The following TRAPPC8 variants were observed in gnomAD, a reference collection of about 807,000 sequenced individuals.
The protein encoded by TRAPPC8 is general sporulation gene 1 homolog.
TRAPPC8 carries 54 observed loss-of-function variants against 174.3 expected under a neutral mutation model. The ratio of observed to expected loss-of-function variants is 0.31; its 90% CI spans 0.25 to 0.39. The LOEUF (loss-of-function observed/expected upper bound fraction) is 0.39, where lower values mean the gene tolerates loss of function less well. Among genes scored for constraint, TRAPPC8 ranks in the 10% least tolerant of loss-of-function variants. TRAPPC8 has a pLI of 1.00. For missense variants in TRAPPC8, 1,531 were observed against 1,699.1 expected (o/e 0.90, Z 1.74); for synonymous variants, 630 against 579.9 (o/e 1.09, Z -1.24).
At chr18:31,832,475 C>A (rs1275138619) in intron 27 of TRAPPC8, 1 of 154,232 alleles carries the variant, frequency 6.5e-6, no homozygotes, top group Non-Finnish European at 1.4e-5. Flanking sequence ...AAATGAAAAA[C>A]AAAATCTCAA....
In TRAPPC8 at chr18:31,830,382, CAGG is replaced by C. The variant is rs2032287190; in HGVS notation, c.*370_*372del. 5.7e-6 allele frequency: 1 copy of C among 176,898 alleles called. No homozygotes were observed. Among genetic ancestry groups the C allele is most frequent in the African/African-American group, 2.4e-5 (1 of 42,014 alleles). 11.0% of individuals were successfully genotyped at this position (176,898 alleles called of 1,614,324 possible). A position where few individuals can be genotyped will look rare whatever the true frequency, so the allele number is the denominator to read the frequency against. On this transcript the variant is annotated 3_prime_UTR_variant, in exon 29 of 29. Coordinates refer to ENST00000283351, the MANE Select transcript of TRAPPC8 (RefSeq NM_014939.5). The stretch of plus-strand genomic sequence containing the variant: ...TGGAATTTAGAGACTAATGGCTTAA[CAGG>C]AGTACTGCCAACAAGGCCTTTCCTT...
chr18:31,888,662 C>T (rs1416278592), intron 12 of TRAPPC8, among the ~76,000 whole-genome samples: 2 of 152,156 alleles, frequency 1.3e-5, no homozygotes, highest in Admixed American at 1.3e-4. Flanking sequence ...CAAACTAACA[C>T]AGGAAGAGAA....
intron 11 of TRAPPC8, 168 bp from the exon 12 acceptor site, chr18:31,891,034 A>C (rs931206307): frequency 5.6e-5 from 25 of 442,656 alleles, no homozygotes; most frequent in Non-Finnish European, 8.6e-5. Flanking sequence ...TTTTCCAATA[A>C]ACACAAAATT....
rs1555674909 is a variant in TRAPPC8 at position 31,903,123 on chromosome 18, T to TCC, written c.1390-2099_1390-2098insGG. 2.1e-5 allele frequency among the ~76,000 whole-genome samples: 3 copies of TCC among 144,748 alleles called. No individual in the cohort carries two copies. In the East Asian group the frequency reaches 6.1e-4, roughly 30 times the overall value. 95.0% of individuals were successfully genotyped at this position (144,748 alleles called of 152,430 possible). A position where few individuals can be genotyped will look rare whatever the true frequency, so the allele number is the denominator to read the frequency against. On this transcript the variant is annotated intron_variant, in intron 9 of 28. Transcript: ENST00000283351. ...TTGATTGCGCGCGTGCGTGCGTGCGTGTGTGTGTGTGTGTGTGTGTTTTCC... is the reference window on the plus strand; with the variant it reads ...TTGATTGCGCGCGTGCGTGCGTGCGTCCGTGTGTGTGTGTGTGTGTGTTTTCC...
chr18:31,893,780 G>A (rs1260227061), intron 11 of TRAPPC8, among the ~76,000 whole-genome samples: 1 of 152,024 alleles, frequency 6.6e-6, no homozygotes, highest in African/African-American at 2.4e-5. Flanking sequence ...TTTAAGTGCT[G>A]TAATTTCTTA....
At chr18:31,902,180 C>CA (rs2036457476) in intron 9 of TRAPPC8, among the ~76,000 whole-genome samples, 2 of 152,204 alleles carry the variant, frequency 1.3e-5, no homozygotes, top group Middle Eastern at 3.4e-3. Context: ...TGAACACCCT[C>CA]AACAGCCAGA....
At chr18:31,881,047 T>C (rs901481645) in intron 12 of TRAPPC8, among the ~76,000 whole-genome samples, 4 of 152,020 alleles carry the variant, frequency 2.6e-5, no homozygotes, top group South Asian at 2.1e-4. Flanking sequence ...AAAATCAATA[T>C]AGTTAAAATA....
At chr18:31,908,716 A>T in intron 7 of TRAPPC8, 38 bp downstream of exon 7, 2 of 1,483,020 alleles carry the variant, frequency 1.3e-6, no homozygotes, top group Non-Finnish European at 1.8e-6. Flanking sequence ...CTATTTACTT[A>T]AATTTTTAAA....
At chr18:31,879,729 A>G (rs1353567233) in intron 12 of TRAPPC8, among the ~76,000 whole-genome samples, 1 of 152,044 alleles carries the variant, frequency 6.6e-6, no homozygotes, top group Non-Finnish European at 1.5e-5. Flanking sequence ...GGCAAGATTA[A>G]GCAAGAAAAA....
Position 31,853,873 on chromosome 18 carries a change from A to G in TRAPPC8, c.3409T>C (p.Ser1137Pro). The change falls in exon 22 of 29, where the codon TCT (serine) becomes CCT (proline). Residue 1137 changes from serine to proline, a missense_variant. By Grantham distance (74) the Ser-to-Pro change is moderately conservative (BLOSUM62 -1). Transcript: ENST00000283351. ...SSSKHWKLQK[S>P]VNLSENKDTK... is the part of the protein sequence containing the mutation. Reference sequence around the variant, plus strand: ...CCTTTGTTTTCAGAAAGATTTACAGATTTCTGTAACTTCCAGTGTTTGCTA... The same window carrying G: ...CCTTTGTTTTCAGAAAGATTTACAGGTTTCTGTAACTTCCAGTGTTTGCTA... The G allele has an allele frequency of 6.2e-7, 1 of 1,610,126 alleles. No homozygotes were observed. The highest frequency in any genetic ancestry group is 8.5e-7 in the Non-Finnish European group (1 of 1,179,242).
chr18:31,937,065 T>C (rs1169864436), intron 1 of TRAPPC8, among the ~76,000 whole-genome samples: 1 of 150,846 alleles, frequency 6.6e-6, no homozygotes, highest in East Asian at 1.9e-4. Flanking sequence ...ACACAAAAAA[T>C]TAGCCAGGCG....
intron 16 of TRAPPC8, among the ~76,000 whole-genome samples, chr18:31,869,842 A>G (rs1331965726): frequency 6.6e-6 from 1 of 152,158 alleles, no homozygotes; most frequent in African/African-American, 2.4e-5. Flanking sequence ...TAATCCCAGC[A>G]CTTCGGGAGG....
rs547229583 is a variant in TRAPPC8, at chr18:31,837,684, T to G, written c.3983+1628A>C. On this transcript the variant is annotated intron_variant, in intron 27 of 28. Transcript: ENST00000283351. Reference sequence around the variant, plus strand: ...CTGCACTCCAGCCTGGGTGACAGTGTGTGACTCTGTCTCAGAAAAATTTAA... The same window carrying G: ...CTGCACTCCAGCCTGGGTGACAGTGGGTGACTCTGTCTCAGAAAAATTTAA... Among the ~76,000 whole-genome samples the G allele has an allele frequency of 1.0e-3, 158 of 151,778 alleles. 1 individual carries two copies. Among genetic ancestry groups the G allele is most frequent in the South Asian group, 1.3e-3 (6 of 4,794 alleles).
At chr18:31,858,181 C>G (rs1019309329) in intron 19 of TRAPPC8, among the ~76,000 whole-genome samples, 199 bp from the exon 20 acceptor site, 6 of 152,134 alleles carry the variant, frequency 3.9e-5, no homozygotes, top group African/African-American at 1.4e-4. Flanking sequence ...GTTACTCTGC[C>G]ACTCAGTAGT....
chr18:31,860,669 C>G (rs923063747), intron 19 of TRAPPC8, among the ~76,000 whole-genome samples: 2 of 152,156 alleles, frequency 1.3e-5, no homozygotes, highest in African/African-American at 4.8e-5. Context: ...GTTTTCATGT[C>G]TTCCACTGTC....
intron 12 of TRAPPC8, among the ~76,000 whole-genome samples, chr18:31,880,081 G>GAAAAAAAAAAAA (rs749972515): frequency 2.1e-4 from 11 of 52,718 alleles, no homozygotes; most frequent in African/African-American, 1.0e-3. Context: ...TGAAACTATT[G>GAAAAAAAAAAAA]AAAAAAAAAA....
intron 9 of TRAPPC8, among the ~76,000 whole-genome samples, chr18:31,903,676 A>C (rs1423907667): frequency 1.3e-5 from 2 of 152,176 alleles, no homozygotes; most frequent in East Asian, 3.9e-4. Flanking sequence ...CAGTGCAAAG[A>C]CCATTTTTCT....
chr18:31,847,498 A>G (rs903224140), intron 25 of TRAPPC8, among the ~76,000 whole-genome samples: 15 of 152,178 alleles, frequency 9.9e-5, no homozygotes, highest in African/African-American at 3.6e-4. Flanking sequence ...TTTTACTGTT[A>G]GGTTCAAAAA....
intron 19 of TRAPPC8, among the ~76,000 whole-genome samples, chr18:31,862,032 T>A (rs1371635256): frequency 6.6e-6 from 1 of 152,010 alleles, no homozygotes; most frequent in Non-Finnish European, 1.5e-5. Flanking sequence ...TACACTGATT[T>A]ATTTTGACCA....
Sources: gnomAD v4.1 joint callset for allele counts (sites outside exome capture counted in the v4.1 genomes callset) on GRCh38, gnomAD v4.1.1 for gene constraint, MANE v1.5 for transcripts, NCBI Gene and HGNC (gene_info 2026-07-23, HGNC 2026-07-21) for gene names.